The following TBC1D30 variants were observed in gnomAD, a reference collection of about 807,000 sequenced individuals.
TBC1D30 encodes TBC1 domain family member 30, also known as TBC1 domain family, member 30.
TBC1D30 carries 31 observed loss-of-function variants against 63.2 expected under a neutral mutation model. The ratio of observed to expected loss-of-function variants is 0.49; its 90% confidence interval spans 0.37 to 0.66. TBC1D30 has a LOEUF of 0.66. TBC1D30 is among the 30% of genes least tolerant of loss of function. The pLI is 0.00. For synonymous variants in TBC1D30, 307 were observed against 361.5 expected (o/e 0.85, Z 1.71); for missense variants, 810 against 953.6 (o/e 0.85, Z 1.98).
upstream of TBC1D30, among the ~76,000 whole-genome samples, chr12:64,778,337 A>G (rs1871139651): frequency 6.6e-6 from 1 of 152,162 alleles, no homozygotes; most frequent in African/African-American, 2.4e-5. Flanking sequence ...GCATATATCA[A>G]TGAACAAAAT....
At chr12:64,802,651 C>G (rs1872646764) in intron 2 of TBC1D30, among the ~76,000 whole-genome samples, 1 of 152,006 alleles carries the variant, frequency 6.6e-6, no homozygotes, top group Non-Finnish European at 1.5e-5. Flanking sequence ...TCCCCCGTCC[C>G]CCACCGCATG....
At chr12:64,822,838 T>A (rs2136347899), upstream of TBC1D30, among the ~76,000 whole-genome samples, 1 of 152,246 alleles carries the variant, frequency 6.6e-6, no homozygotes, top group South Asian at 2.1e-4. Context: ...ACATTTCCTT[T>A]CTTTTTGAGC....
At chr12:64,818,380 A>C in intron 2 of TBC1D30, 2 of 981,190 alleles carry the variant, frequency 2.0e-6, no homozygotes, top group Non-Finnish European at 1.2e-6. Flanking sequence ...ATAGTATTTT[A>C]AAGGACCTTT....
upstream of TBC1D30, among the ~76,000 whole-genome samples, chr12:64,777,816 G>A (rs1024549708): frequency 6.6e-6 from 1 of 152,234 alleles, no homozygotes; most frequent in Non-Finnish European, 1.5e-5. Context: ...CCGGAGTGCA[G>A]TGGTGCAATC....
At chr12:64,833,580 T>C (rs561082672) in intron 5 of TBC1D30, among the ~76,000 whole-genome samples, 46 of 152,218 alleles carry the variant, frequency 3.0e-4, no homozygotes, top group Non-Finnish European at 5.9e-4. Context: ...GAATACCTTA[T>C]TGATACTGTC....
chr12:64,838,684 T>G lies in TBC1D30; in HGVS notation c.765T>G (p.Gly255=). The change falls in exon 7 of 12, where the codon GGT becomes GGG. Residue 255 remains glycine, a splice_region_variant and synonymous_variant. Coordinates refer to ENST00000539867, the MANE Select transcript of TBC1D30 (RefSeq NM_015279.2). The part of the protein sequence containing the change: ...LQRTANKESG[G]GYEPPLTNVF... Reference sequence around the variant, plus strand: ...TTGAATGTGTTTGTTTTATTTCAGGTGGATATGAGCCCCCACTTACAAATG... The same window carrying G: ...TTGAATGTGTTTGTTTTATTTCAGGGGGATATGAGCCCCCACTTACAAATG... 1 of 1,536,472 alleles carries G rather than the reference T, an allele frequency of 6.5e-7. No individual in the cohort carries two copies.
At chr12:64,871,358 A>G (rs1878642518) in intron 11 of TBC1D30, among the ~76,000 whole-genome samples, 1 of 152,240 alleles carries the variant, frequency 6.6e-6, no homozygotes, top group Non-Finnish European at 1.5e-5. Context: ...AGGATTGCCA[A>G]GCTTTTTTCT....
chr12:64,860,663 A>G (rs1877712834), intron 8 of TBC1D30, among the ~76,000 whole-genome samples: 1 of 152,154 alleles, frequency 6.6e-6, no homozygotes, highest in Admixed American at 6.5e-5. Flanking sequence ...CATTTGGCCC[A>G]TGGGTGGTTC....
At chr12:64,779,336 T>C (rs2136286865), upstream of TBC1D30, 1 of 152,298 alleles carries the variant, frequency 6.6e-6, no homozygotes, top group African/African-American at 2.4e-5. Context: ...AACAGCAATA[T>C]AATAATGAAT....
At position 64,880,946 on chromosome 12, in the gene TBC1D30, T is replaced by G. The variant is rs1311884344; in HGVS notation, c.*5158T>G. The G allele has an allele frequency of 6.6e-6, 1 of 152,360 alleles. No homozygotes were observed. Among genetic ancestry groups the G allele is most frequent in the Middle Eastern group, 3.4e-3 (1 of 294 alleles). 9.4% of individuals were successfully genotyped at this position (152,360 alleles called of 1,614,324 possible). Reference sequence around the variant, plus strand: ...AACAGTTTTCTGGGAAGAAACTTCCTGATACCTCAGCCTAGGAATCTCCCT... The same window carrying G: ...AACAGTTTTCTGGGAAGAAACTTCCGGATACCTCAGCCTAGGAATCTCCCT... On this transcript the variant is annotated 3_prime_UTR_variant, in exon 12 of 12. Transcript: ENST00000539867.
intron 5 of TBC1D30, among the ~76,000 whole-genome samples, chr12:64,835,152 T>G (rs957829577): frequency 4.2e-4 from 64 of 152,302 alleles, no homozygotes; most frequent in African/African-American, 1.5e-3. Context: ...CCTTTCTTGT[T>G]GCTGAGCTCT....
chr12:64,857,065 GA>G (rs1290414092), intron 8 of TBC1D30, among the ~76,000 whole-genome samples: 1 of 152,102 alleles, frequency 6.6e-6, no homozygotes, highest in Admixed American at 6.5e-5. Context: ...GAGACCCCAA[GA>G]GCCTGCTTGT....
chr12:64,842,784 G>A (rs1169987807), intron 7 of TBC1D30, among the ~76,000 whole-genome samples: 1 of 152,154 alleles, frequency 6.6e-6, no homozygotes, highest in Non-Finnish European at 1.5e-5. Context: ...ACGAGTGGTG[G>A]GAATTCTGAT....
intron 8 of TBC1D30, among the ~76,000 whole-genome samples, chr12:64,859,020 CTGTGTGTG>C (rs139732055): frequency 8.8e-5 from 13 of 147,886 alleles, no homozygotes; most frequent in Non-Finnish European, 1.2e-4. Flanking sequence ...TTTGACTAGG[CTGTGTGTG>C]TGTGTGTGTG....
At chr12:64,787,377 C>T in intron 2 of TBC1D30, 1 of 985,336 alleles carries the variant, frequency 1.0e-6, no homozygotes, top group Non-Finnish European at 1.2e-6. Context: ...GAACAGTATG[C>T]TCAGGTATGG....
chr12:64,842,189 C>A (rs1347393607), intron 7 of TBC1D30, among the ~76,000 whole-genome samples: 1 of 152,058 alleles, frequency 6.6e-6, no homozygotes, highest in Non-Finnish European at 1.5e-5. Flanking sequence ...GAAGCCCCAT[C>A]TCTACTAAAA....
At chr12:64,851,562 C>T (rs1416411186) in intron 8 of TBC1D30, among the ~76,000 whole-genome samples, 2 of 152,182 alleles carry the variant, frequency 1.3e-5, no homozygotes, top group East Asian at 3.8e-4. Flanking sequence ...TGAATTAGAT[C>T]ATTATGATGC....
At chr12:64,858,854 C>T (rs113134218) in intron 8 of TBC1D30, among the ~76,000 whole-genome samples, 2,163 of 152,044 alleles carry the variant, frequency 0.014, 53 homozygotes, top group African/African-American at 0.05. Flanking sequence ...GTGGGGAGTG[C>T]GTCGAGGGAG....
intron 10 of TBC1D30, chr12:64,868,260 A>G (rs1048233579): frequency 2.5e-5 from 4 of 156,960 alleles, no homozygotes; most frequent in Non-Finnish European, 5.6e-5. Context: ...TACTTACTTT[A>G]GGTTTGGGTA....
Sources: gnomAD v4.1 joint callset for allele counts (sites outside exome capture counted in the v4.1 genomes callset) on GRCh38, gnomAD v4.1.1 for gene constraint, MANE v1.5 for transcripts, NCBI Gene and HGNC (gene_info 2026-07-23, HGNC 2026-07-21) for gene names.